Variants in SLC25A42 observed in about 807,000 individuals in gnomAD.
SLC25A42 encodes the protein solute carrier family 25 member 42.
A neutral mutation model predicts 34.7 loss-of-function variants in SLC25A42; 19 were observed. The observed-to-expected ratio is 0.55, with a 90% CI of 0.38 to 0.80. The LOEUF is 0.80. Among genes scored for constraint, SLC25A42 ranks in the 30% least tolerant of loss-of-function variants. The pLI is 0.00. For synonymous variants in SLC25A42, 205 were observed against 191.2 expected, an observed-to-expected ratio of 1.07 and a Z score of -0.59; for missense variants, 364 against 441.3, an observed-to-expected ratio of 0.82 and a Z score of 1.57.
intron 1 of SLC25A42, among the ~76,000 whole-genome samples, chr19:19,089,453 G>A (rs1458777162): frequency 2.0e-5 from 3 of 151,656 alleles, no homozygotes; most frequent in African/African-American, 4.8e-5. Flanking sequence ...GCTTGAACCC[G>A]GGAGGTGGAG....
rs938715461 is a variant in SLC25A42, at chr19:19,111,141, C to T, written c.*265C>T. 3.8e-6 allele frequency: 2 copies of T among 528,838 alleles called. No individual in the cohort carries two copies. Among genetic ancestry groups the T allele is most frequent in the African/African-American group, 2.0e-5 (1 of 50,942 alleles). 32.8% of individuals were successfully genotyped at this position (528,838 alleles called of 1,614,324 possible). A position where few individuals can be genotyped will look rare whatever the true frequency, so the allele number is the denominator to read the frequency against. ...CTCTGCAGACGCTGGCGCTGTCTGC[C>T]GGAGGTGTTGCCCAAAAGGCCCTAG... On this transcript the variant is annotated 3_prime_UTR_variant, in exon 8 of 8. Transcript: ENST00000318596.
intron 1 of SLC25A42, among the ~76,000 whole-genome samples, chr19:19,089,818 G>A (rs1222031274): frequency 2.6e-5 from 4 of 151,910 alleles, no homozygotes; most frequent in Non-Finnish European, 4.4e-5. Flanking sequence ...ACAGTGAGCC[G>A]AGATCACACC....
At chr19:19,075,110 AC>A (rs1039671009) in intron 1 of SLC25A42, among the ~76,000 whole-genome samples, 14 of 152,154 alleles carry the variant, frequency 9.2e-5, no homozygotes, top group African/African-American at 2.9e-4. Context: ...CTATGATTTT[AC>A]CACTGCATTC....
intron 1 of SLC25A42, among the ~76,000 whole-genome samples, chr19:19,095,297 T>C (rs1462553190): frequency 6.6e-6 from 1 of 150,962 alleles, no homozygotes. Flanking sequence ...ATGATTGTTC[T>C]ACTGCACTTG....
chr19:19,111,024 T>G lies in SLC25A42; in HGVS notation c.*148T>G, dbSNP rs1352175814. ...GCAGGTGGGCCTGAGGGGCCTGGGC[T>G]CAGAGTCCACGTCCAAACGCAAAGC... On this transcript the variant is annotated 3_prime_UTR_variant, in exon 8 of 8. Transcript: ENST00000318596. 2.3e-6 allele frequency: 2 copies of G among 878,428 alleles called. No homozygotes were observed. Among genetic ancestry groups the G allele is most frequent in the Non-Finnish European group, 3.4e-6 (2 of 582,332 alleles). The allele number at this position is 878,428 out of a possible 1,614,324, so 54.4% of individuals were successfully genotyped here.
At chr19:19,090,867 CA>C (rs1330443570) in intron 1 of SLC25A42, among the ~76,000 whole-genome samples, 1 of 152,186 alleles carries the variant, frequency 6.6e-6, no homozygotes, top group East Asian at 1.9e-4. Flanking sequence ...TCTGTGTTCT[CA>C]AAGGCCAAGG....
At chr19:19,088,809 G>A (rs968453450) in intron 1 of SLC25A42, among the ~76,000 whole-genome samples, 5 of 133,662 alleles carry the variant, frequency 3.7e-5, no homozygotes, top group East Asian at 2.2e-4. Flanking sequence ...TTTTTTTTTC[G>A]TTTTCTTTTG....
intron 4 of SLC25A42, 177 bp downstream of exon 4, chr19:19,105,115 G>A: frequency 1.4e-6 from 1 of 737,642 alleles, no homozygotes; most frequent in Non-Finnish European, 2.2e-6. Flanking sequence ...GACATCCCGA[G>A]TGTCCTTCCG....
rs958957070 is a variant in SLC25A42, at chr19:19,110,944, G to T, written c.*68G>T. On this transcript the variant is annotated 3_prime_UTR_variant, in exon 8 of 8. Coordinates refer to ENST00000318596, the MANE Select transcript of SLC25A42 (RefSeq NM_178526.5). Reference sequence around the variant, plus strand: ...TTGTATTCTGGGCCCATGGAACGGTGGGGGGGTGCGCTTGATTCTACTTCA... The same window carrying T: ...TTGTATTCTGGGCCCATGGAACGGTTGGGGGGTGCGCTTGATTCTACTTCA... The T allele has an allele frequency of 4.6e-6, 7 of 1,536,920 alleles. No homozygotes were observed. In the Admixed American group the frequency reaches 5.4e-5, roughly 12 times the overall value.
Position 19,081,704 on chromosome 19 carries a change from C to T in SLC25A42, c.-34-14387C>T, listed in dbSNP as rs533537316. Among the ~76,000 whole-genome samples the T allele has an allele frequency of 1.9e-4, 29 of 152,290 alleles. No homozygotes were observed. The highest frequency in any genetic ancestry group is 6.3e-4 in the African/African-American group (26 of 41,556). On this transcript the variant is annotated intron_variant, in intron 1 of 7. Transcript: ENST00000318596. This position sits in a 1 kb window ranked among gnomAD's most constrained non-coding sequence, Gnocchi z 4.5. ...AACCTGGACAGGCTCCTGAGGCGCC[C>T]GCCACCTCCCTCCACTGCAGCCTAC...
intron 4 of SLC25A42, chr19:19,105,150 G>A (rs1377905997): frequency 3.3e-6 from 2 of 608,202 alleles, no homozygotes; most frequent in African/African-American, 3.7e-5. Flanking sequence ...AGACTCAACA[G>A]CTCTAAAACA....
At position 19,111,682 on chromosome 19, in the gene SLC25A42, G is replaced by A. The variant is rs1397389374; in HGVS notation, c.*806G>A. ...CAGGTTTGGGTCAGACCTGCATCCTGGGGCATCTGCTGAAATGTGAGCACA... is the reference window on the plus strand; with the variant it reads ...CAGGTTTGGGTCAGACCTGCATCCTAGGGCATCTGCTGAAATGTGAGCACA... On this transcript the variant is annotated 3_prime_UTR_variant, in exon 8 of 8. Coordinates refer to ENST00000318596, the MANE Select transcript of SLC25A42 (RefSeq NM_178526.5). 3 of 152,432 alleles carry A rather than the reference G, an allele frequency of 2.0e-5. No homozygotes were observed. The highest frequency in any genetic ancestry group is 2.9e-5 in the Non-Finnish European group (2 of 68,190). The allele number at this position is 152,432 out of a possible 1,614,324, so 9.4% of individuals were successfully genotyped here.
intron 2 of SLC25A42, 34 bp downstream of exon 2, chr19:19,096,239 C>T (rs1161850123): frequency 1.3e-6 from 2 of 1,587,708 alleles, no homozygotes; most frequent in Admixed American, 1.7e-5. Context: ...TGGGTGTTCT[C>T]CTGGGGCCCC....
chr19:19,074,723 ATGTG>A (rs35554466), intron 1 of SLC25A42, among the ~76,000 whole-genome samples: 16 of 150,700 alleles, frequency 1.1e-4, no homozygotes, highest in African/African-American at 2.9e-4. Context: ...GCGTGCGTGT[ATGTG>A]TGTGTGTGTG....
chr19:19,101,269 A>G (rs2059794862), intron 2 of SLC25A42, among the ~76,000 whole-genome samples: 1 of 152,136 alleles, frequency 6.6e-6, no homozygotes, highest in Non-Finnish European at 1.5e-5. Context: ...CACCCCCTCA[A>G]CTGGGCTGGA....
At chr19:19,075,681 CCATCCTATGCTGA>C (rs1200683595) in intron 1 of SLC25A42, among the ~76,000 whole-genome samples, 2 of 152,174 alleles carry the variant, frequency 1.3e-5, no homozygotes, top group Admixed American at 1.3e-4. Context: ...TGACAGAAAC[CCATCCTATGCTGA>C]CTGAACTGGA....
intron 2 of SLC25A42, 49 bp downstream of exon 2, chr19:19,096,254 T>TGGGGCCC: frequency 6.9e-7 from 1 of 1,456,640 alleles, no homozygotes. Context: ...GGCCCCAGCC[T>TGGGGCCC]CCCCACCCCC....
At chr19:19,105,492 C>A in intron 4 of SLC25A42, 69 bp from the exon 5 acceptor site, 1 of 1,558,846 alleles carries the variant, frequency 6.4e-7, no homozygotes, top group Non-Finnish European at 8.7e-7. Context: ...GGGCGCTCTG[C>A]TGGTCACAGA....
chr19:19,073,461 C>T (rs1279829609), intron 1 of SLC25A42, among the ~76,000 whole-genome samples: 6 of 152,140 alleles, frequency 3.9e-5, no homozygotes, highest in African/African-American at 1.2e-4. Flanking sequence ...TCGGAGACTG[C>T]GGCCAAAGCA....
Sources: gnomAD v4.1 joint callset for allele counts (sites outside exome capture counted in the v4.1 genomes callset) on GRCh38, gnomAD v4.1.1 for gene constraint, Gnocchi (gnomAD v3.1) non-coding constraint, MANE v1.5 for transcripts, NCBI Gene and HGNC (gene_info 2026-07-23, HGNC 2026-07-21) for gene names.